Variants in IGFBP7 observed in about 807,000 individuals in gnomAD.
IGFBP7 encodes insulin like growth factor binding protein 7.
In IGFBP7, 31 loss-of-function variants were observed where a neutral mutation model predicts 29.4. The observed-to-expected ratio is 1.05, with a 90% CI of 0.79 to 1.42. The LOEUF (loss-of-function observed/expected upper bound fraction) is 1.42. IGFBP7 is among the 40% of genes most tolerant of loss of function. The probability of loss-of-function intolerance (pLI) is 0.00; values close to 1 mark genes in which losing one functional copy is unlikely to be tolerated. For missense variants in IGFBP7, 393 were observed against 395.5 expected (o/e 0.99, Z 0.05); for synonymous variants, 172 against 174.9 (o/e 0.98, Z 0.13).
intron 1 of IGFBP7, among the ~76,000 whole-genome samples, chr4:57,102,919 GAGA>G (rs1299480337): frequency 3.3e-5 from 5 of 152,198 alleles, no homozygotes; most frequent in African/African-American, 1.2e-4. Context: ...TGAAAGCAGA[GAGA>G]AGGAGTAATA....
chr4:57,070,027 G>C (rs1334761427), intron 1 of IGFBP7, among the ~76,000 whole-genome samples: 1 of 152,196 alleles, frequency 6.6e-6, no homozygotes, highest in East Asian at 1.9e-4. Flanking sequence ...GTTGCAGTGA[G>C]CCGGAATCGT....
intron 1 of IGFBP7, among the ~76,000 whole-genome samples, chr4:57,106,106 T>C (rs1038472659): frequency 6.4e-4 from 97 of 152,154 alleles, no homozygotes; most frequent in Non-Finnish European, 1.5e-4. Context: ...CGGTGTTTCA[T>C]TGTGTTAGCC....
chr4:57,066,174 T>G (rs887514752), intron 1 of IGFBP7, among the ~76,000 whole-genome samples: 3 of 152,222 alleles, frequency 2.0e-5, no homozygotes, highest in African/African-American at 4.8e-5. Flanking sequence ...CTTACTCTGG[T>G]GACGCACTTG....
intron 1 of IGFBP7, among the ~76,000 whole-genome samples, chr4:57,076,001 G>A (rs1714013): frequency 0.77 from 117,851 of 152,090 alleles, 45,948 homozygotes; most frequent in East Asian, 0.97. Context: ...TGTCTCAGTC[G>A]GCCTGGGCTG....
intron 1 of IGFBP7, chr4:57,065,546 C>A (rs1420122143): frequency 1.3e-5 from 2 of 152,300 alleles, no homozygotes; most frequent in African/African-American, 2.4e-5. Context: ...AAGGCAGCTC[C>A]AGAGACTATC....
rs781124086 is a variant in IGFBP7, at chr4:57,031,358, T to A, written c.830-22A>T. On this transcript the variant is annotated intron_variant, in intron 4 of 4. Coordinates refer to ENST00000295666, the MANE Select transcript of IGFBP7 (RefSeq NM_001553.3). Reference sequence around the variant, plus strand: ...TCACCTGTTTAAAAAAAAAAAAAGATAAAAATTAGTTACATATGGGGATGT... The same window carrying A: ...TCACCTGTTTAAAAAAAAAAAAAGAAAAAAATTAGTTACATATGGGGATGT... The A allele has an allele frequency of 6.5e-6, 10 of 1,549,086 alleles. No individual in the cohort carries two copies. The African/African-American group carries it at 8.2e-5, about 13-fold the overall frequency.
Position 57,033,219 on chromosome 4 carries a change from CT to C in IGFBP7, c.677del (p.Lys226SerfsTer4). 3 of 1,613,884 alleles carry C rather than the reference CT, an allele frequency of 1.9e-6. No homozygotes were observed. The highest frequency in any genetic ancestry group is 2.5e-6 in the Non-Finnish European group (3 of 1,179,738). ...LAIQTRGGPE[K>X]HEVTGWVLVS... ...CCAGCACCCAGCCAGTTACTTCATG[CT>C]TTTCTGGGCCACCCCGGGTCTGAAT... On this transcript the variant is annotated frameshift_variant, in exon 3 of 5. Coordinates refer to ENST00000295666, the MANE Select transcript of IGFBP7 (RefSeq NM_001553.3). LOFTEE classifies it high-confidence loss of function.
rs1723933493 is a variant in IGFBP7 at position 57,031,635 on chromosome 4, T to C, written c.830-299A>G. On this transcript the variant is annotated intron_variant, in intron 4 of 4. Coordinates refer to ENST00000295666, the MANE Select transcript of IGFBP7 (RefSeq NM_001553.3). ...AGAGAGGTTAAAGACCTTTCCTTTG[T>C]AGTCCGGATCTCCTTCAAAAGGTAA... Among the ~76,000 whole-genome samples, 3 of 152,202 alleles carry C rather than the reference T, an allele frequency of 2.0e-5. No homozygotes were observed. The South Asian group carries it at 6.2e-4, about 31-fold the overall frequency.
rs1010626743 is a variant in IGFBP7, at chr4:57,030,805, A to T, written c.*512T>A. The T allele has an allele frequency of 1.4e-6, 1 of 731,108 alleles. No individual in the cohort carries two copies. The highest frequency in any genetic ancestry group is 2.5e-6 in the Non-Finnish European group (1 of 401,460). The allele number at this position is 731,108 out of a possible 1,614,324, so 45.3% of individuals were successfully genotyped here. ...TCTCAGCTCCACTCATTTATTCATT[A>T]TCTACAGTACCAGATCTTTGTCTTT... On this transcript the variant is annotated 3_prime_UTR_variant, in exon 5 of 5. Coordinates refer to ENST00000295666, the MANE Select transcript of IGFBP7 (RefSeq NM_001553.3).
In IGFBP7 at chr4:57,110,277, A is replaced by T; in HGVS notation, c.75T>A (p.Ser25=). 1.4e-6 allele frequency: 2 copies of T among 1,427,002 alleles called. No individual in the cohort carries two copies. The highest frequency in any genetic ancestry group is 1.8e-6 in the Non-Finnish European group (2 of 1,091,524). The allele number at this position is 1,427,002 out of a possible 1,614,324, so 88.4% of individuals were successfully genotyped here. Residue 25 remains serine (S), a synonymous_variant, in exon 1 of 5, where the codon TCT becomes TCA. Transcript: ENST00000295666. The part of the protein sequence containing the change: ...GLLLLLLPLS[S]SSSSDTCGPC... ...GGCCGCAGGTGTCCGAAGAGGAGGAAGAGGAGAGGGGCAGGAGCAGGAGCA... is the reference window on the plus strand; with the variant it reads ...GGCCGCAGGTGTCCGAAGAGGAGGATGAGGAGAGGGGCAGGAGCAGGAGCA...
chr4:57,045,690 G>T (rs1175685971), intron 1 of IGFBP7, among the ~76,000 whole-genome samples: 1 of 151,384 alleles, frequency 6.6e-6, no homozygotes, highest in African/African-American at 2.4e-5. Flanking sequence ...CACTTACCTG[G>T]TCTGGAAATT....
chr4:57,105,568 AC>A (rs1726003247), intron 1 of IGFBP7, among the ~76,000 whole-genome samples: 2 of 152,186 alleles, frequency 1.3e-5, no homozygotes, highest in Admixed American at 1.3e-4. Context: ...CTTCATGACA[AC>A]CCTATGAGAT....
In IGFBP7 at chr4:57,053,165, C is replaced by T. The variant is rs1247246828; in HGVS notation, c.476-12232G>A. On this transcript the variant is annotated intron_variant, in intron 1 of 4. Coordinates refer to ENST00000295666, the MANE Select transcript of IGFBP7 (RefSeq NM_001553.3). ...CAGAGTAGCTGATACTACAGGCACA[C>T]ACCATCACACCTGGCTAATTTTTGT... is the stretch of plus-strand genomic sequence containing the variant. 3.3e-5 allele frequency among the ~76,000 whole-genome samples: 5 copies of T among 152,190 alleles called. No individual in the cohort carries two copies. In the East Asian group the frequency reaches 9.7e-4, roughly 30 times the overall value.
chr4:57,032,176 G>A (rs1723948012), intron 4 of IGFBP7: 2 of 920,008 alleles, frequency 2.2e-6, no homozygotes, highest in South Asian at 3.3e-5. Context: ...TTCCAGGCAA[G>A]TTTGATTTTG....
intron 1 of IGFBP7, among the ~76,000 whole-genome samples, chr4:57,107,358 A>G (rs982687115): frequency 6.6e-6 from 1 of 152,208 alleles, no homozygotes; most frequent in Admixed American, 6.5e-5. Flanking sequence ...GCATAACTTA[A>G]GTTTCTTCTG....
At chr4:57,066,194 C>T (rs1172828114) in intron 1 of IGFBP7, among the ~76,000 whole-genome samples, 1 of 152,166 alleles carries the variant, frequency 6.6e-6, no homozygotes, top group African/African-American at 2.4e-5. Flanking sequence ...GAATAAAATA[C>T]AGTGGGAGGG....
At chr4:57,031,779 T>G (rs1451470957) in intron 4 of IGFBP7, among the ~76,000 whole-genome samples, 1 of 152,226 alleles carries the variant, frequency 6.6e-6, no homozygotes. Flanking sequence ...GACCAAATAC[T>G]TCTTTACTTA....
intron 1 of IGFBP7, among the ~76,000 whole-genome samples, chr4:57,093,658 T>TC (rs763304747): frequency 1.6e-4 from 25 of 152,144 alleles, no homozygotes; most frequent in Non-Finnish European, 3.5e-4. Context: ...CTAGGTAGAG[T>TC]GAAGTGAATT....
chr4:57,107,131 G>A (rs1324766065), intron 1 of IGFBP7, among the ~76,000 whole-genome samples: 1 of 152,218 alleles, frequency 6.6e-6, no homozygotes, highest in African/African-American at 2.4e-5. Context: ...TCTGGGAGGT[G>A]AGTTTGTAAC....
Sources: allele counts gnomAD v4.1 joint callset (sites outside exome capture counted in the v4.1 genomes callset), GRCh38; gene constraint gnomAD v4.1.1; transcripts MANE v1.5; gene names NCBI Gene and HGNC (gene_info 2026-07-23, HGNC 2026-07-21).